The following RTL9 variants were observed in gnomAD, a reference collection of about 807,000 sequenced individuals.
The protein encoded by RTL9 is retrotransposon Gag like 9, also known as retrotransposon Gag-like protein 9.
RTL9 carries 19 observed loss-of-function variants against 44.7 expected under a neutral mutation model. The ratio of observed to expected loss-of-function variants is 0.42; its 90% CI spans 0.30 to 0.62. RTL9 has a LOEUF of 0.62. Among genes scored for constraint, RTL9 ranks in the 20% least tolerant of loss-of-function variants. RTL9 has a pLI of 0.16. For missense variants in RTL9, 1,105 were observed against 1,080.6 expected, an observed-to-expected ratio of 1.02 and a Z score of -0.32; for synonymous variants, 407 against 398.9, an observed-to-expected ratio of 1.02 and a Z score of -0.24.
At chrX:110,434,488 G>T (rs1028123138) in intron 1 of RTL9, among the ~76,000 whole-genome samples, 44 of 111,450 alleles carry the variant, frequency 3.9e-4, no homozygotes, top group African/African-American at 1.2e-3. Context: ...GAGAGGAGGG[G>T]ATGACTCAAG....
intron 1 of RTL9, among the ~76,000 whole-genome samples, chrX:110,378,700 G>A (rs750930482): frequency 1.8e-5 from 2 of 111,805 alleles, no homozygotes; most frequent in South Asian, 3.8e-4. Context: ...AGAGATCTCC[G>A]TTCATCAGCC....
At chrX:110,413,124 T>C (rs73636965) in intron 1 of RTL9, among the ~76,000 whole-genome samples, 11,810 of 110,666 alleles carry the variant, frequency 0.11, 1,507 homozygotes, top group African/African-American at 0.36. Context: ...CTCCCATCCC[T>C]GCCACCCCGA....
At chrX:110,444,986 C>T (rs1263629687) in intron 1 of RTL9, among the ~76,000 whole-genome samples, 167 bp from the exon 2 acceptor site, 2 of 112,462 alleles carry the variant, frequency 1.8e-5, no homozygotes, top group African/African-American at 3.2e-5. Flanking sequence ...AAGGCAGTTC[C>T]GTTTGCTCTT....
At chrX:110,407,813 A>G (rs181869494) in intron 1 of RTL9, among the ~76,000 whole-genome samples, 1 of 112,708 alleles carries the variant, frequency 8.9e-6, no homozygotes, top group East Asian at 2.8e-4. Context: ...TTCTATTTGC[A>G]GAAGATAATT....
intron 1 of RTL9, among the ~76,000 whole-genome samples, chrX:110,367,319 C>G (rs2068303850): frequency 8.9e-6 from 1 of 111,998 alleles, no homozygotes; most frequent in Non-Finnish European, 1.9e-5. Context: ...TCCAATTTCT[C>G]TCCTCTCATT....
chrX:110,364,584 T>G (rs2068284929), intron 1 of RTL9, among the ~76,000 whole-genome samples: 1 of 111,418 alleles, frequency 9.0e-6, no homozygotes, highest in African/African-American at 3.3e-5. Context: ...ATTATTGCCT[T>G]ATAAGTTTAG....
intron 1 of RTL9, among the ~76,000 whole-genome samples, chrX:110,367,687 T>C (rs1198726346): frequency 1.8e-5 from 2 of 111,491 alleles, no homozygotes; most frequent in Non-Finnish European, 3.8e-5. Context: ...TACCTGCTTC[T>C]CCCACAGCCT....
rs1242974025 is a variant in RTL9 at position 110,441,343 on chromosome X, C to T, written c.-167-3810C>T. 3.6e-5 allele frequency among the ~76,000 whole-genome samples: 4 copies of T among 112,135 alleles called. No individual in the cohort carries two copies. The Admixed American group carries it at 3.8e-4, about 11-fold the overall frequency. ...GTCCCTGATTGGTAGCCACTACCTG[C>T]ATCCACATGCCTATGGCGAGCCCAA... On this transcript the variant is annotated intron_variant, in intron 1 of 3. Coordinates refer to the RTL9 transcript ENST00000465301.
intron 1 of RTL9, among the ~76,000 whole-genome samples, chrX:110,405,882 T>C (rs777455844): frequency 3.6e-5 from 4 of 111,461 alleles, no homozygotes; most frequent in Non-Finnish European, 7.5e-5. Context: ...AGTCAAACAG[T>C]CTCTTTAATA....
At chrX:110,439,856 A>C (rs1220070156) in intron 1 of RTL9, 3 of 111,061 alleles carry the variant, frequency 2.7e-5, no homozygotes, top group African/African-American at 9.8e-5. Flanking sequence ...CCTCCCCAAA[A>C]GACAGCATGA....
chrX:110,371,107 A>AT (rs1207072995), intron 1 of RTL9, among the ~76,000 whole-genome samples: 1 of 111,473 alleles, frequency 9.0e-6, no homozygotes, highest in Admixed American at 9.5e-5. Context: ...AAAATAGACT[A>AT]TTTTTTAGAG....
At position 110,431,323 on chromosome X, in the gene RTL9, C is replaced by CTGTGTGTGTG. The variant is rs759432836; in HGVS notation, c.-168+12211_-168+12220dup. 6.5e-3 allele frequency among the ~76,000 whole-genome samples: 616 copies of CTGTGTGTGTG among 94,945 alleles called. 8 individuals carry two copies. Among genetic ancestry groups the CTGTGTGTGTG allele is most frequent in the African/African-American group, 0.024 (585 of 24,851 alleles). 82.4% of individuals were successfully genotyped at this position (94,945 alleles called of 115,157 possible). A position where few individuals can be genotyped will look rare whatever the true frequency, so the allele number is the denominator to read the frequency against. On this transcript the variant is annotated intron_variant, in intron 1 of 3. Transcript: ENST00000465301. ...CATGAGAAGGAAAATGAGGGGAAGG[C>CTGTGTGTGTG]TGTGTGTGTGTGTGTGTGTGTGTGT...
Position 110,455,222 on chromosome X carries a change from C to T in RTL9, c.4068C>T (p.Arg1356=), listed in dbSNP as rs1226399662. Residue 1356 remains arginine, a synonymous_variant, in exon 2 of 2, where the codon CGC becomes CGT. Transcript: ENST00000540313. Reference sequence around the variant, plus strand: ...CCCAGCACCAGCATGTTTCCAAACGCTGTTACTACCTGAAAGAGCATGGAG... The same window carrying T: ...CCCAGCACCAGCATGTTTCCAAACGTTGTTACTACCTGAAAGAGCATGGAG... The T allele has an allele frequency of 6.6e-6, 8 of 1,208,052 alleles. No homozygotes were observed. The South Asian group carries it at 7.1e-5, about 11-fold the overall frequency.
Position 110,455,798 on chromosome X carries a change from A to G in RTL9, c.*477A>G, listed in dbSNP as rs148051216. ...ACTTGCCCCATATGCCCCAACTCAT[A>G]GCACCTAAAATGGGTCTCCAGGGTC... On this transcript the variant is annotated 3_prime_UTR_variant, in exon 2 of 2. Transcript: ENST00000540313. 356 of 116,150 alleles carry G rather than the reference A, an allele frequency of 3.1e-3. 1 individual carries two copies. The highest frequency in any genetic ancestry group is 0.011 in the African/African-American group (337 of 30,818). The allele number at this position is 116,150 out of a possible 1,213,427, so 9.6% of individuals were successfully genotyped here.
Position 110,406,267 on chromosome X carries a change from G to A in RTL9, c.-167-38886G>A, listed in dbSNP as rs751884096. Among the ~76,000 whole-genome samples the A allele has an allele frequency of 2.8e-3, 182 of 65,480 alleles. 1 individual carries two copies. Among genetic ancestry groups the A allele is most frequent in the Middle Eastern group, 0.018 (3 of 166 alleles). The allele number at this position is 65,480 out of a possible 115,157, so 56.9% of individuals were successfully genotyped here. A position where few individuals can be genotyped will look rare whatever the true frequency, so the allele number is the denominator to read the frequency against. Reference sequence around the variant, plus strand: ...TGCTATCCCTCCCCTAGCCCCCCACGCCCCACAGGCCCCGGTGTGTGATGT... The same window carrying A: ...TGCTATCCCTCCCCTAGCCCCCCACACCCCACAGGCCCCGGTGTGTGATGT... On this transcript the variant is annotated intron_variant, in intron 1 of 2. Transcript: ENST00000520821.
At chrX:110,419,048 G>C (rs985172489), upstream of RTL9, 1 of 111,753 alleles carries the variant, frequency 8.9e-6, no homozygotes, top group Non-Finnish European at 1.9e-5. Flanking sequence ...ATCTCAGTCC[G>C]ATTTGGAAGG....
intron 1 of RTL9, among the ~76,000 whole-genome samples, chrX:110,404,475 A>G (rs1043999347): frequency 4.5e-5 from 5 of 112,100 alleles, no homozygotes; most frequent in African/African-American, 1.6e-4. Flanking sequence ...AGGGGCATGA[A>G]CAACTTTCAC....
chrX:110,441,496 G>A (rs908986308), intron 1 of RTL9, among the ~76,000 whole-genome samples: 1 of 112,302 alleles, frequency 8.9e-6, no homozygotes, highest in Non-Finnish European at 1.9e-5. Context: ...TGTCAAGTGG[G>A]TATACAAACT....
upstream of RTL9, among the ~76,000 whole-genome samples, chrX:110,415,251 C>T (rs183010187): frequency 2.9e-4 from 33 of 112,368 alleles, no homozygotes; most frequent in Admixed American, 4.7e-4. Flanking sequence ...AAAGCTCTCA[C>T]TTGGAAAGTT....
Sources: allele counts gnomAD v4.1 joint callset (sites outside exome capture counted in the v4.1 genomes callset), GRCh38; gene constraint gnomAD v4.1.1; transcripts MANE v1.5; gene names NCBI Gene and HGNC (gene_info 2026-07-23, HGNC 2026-07-21).